ZNF709: variants seen among roughly 807,000 people sequenced by gnomAD.
The protein encoded by ZNF709 is zinc finger protein 709.
Under a neutral mutation model 10.6 loss-of-function variants are expected in ZNF709, and 15 were observed. The ratio of observed to expected loss-of-function variants is 1.41; its 90% CI spans 0.95 to 2.18. ZNF709 has a LOEUF of 2.18. Ranked by LOEUF, ZNF709 falls within the 30% of genes most tolerant of loss-of-function variation. The probability of loss-of-function intolerance (pLI) is 0.00; values close to 1 mark genes in which losing one functional copy is unlikely to be tolerated. For missense variants in ZNF709, 589 were observed against 774.0 expected (o/e 0.76, Z 2.84); for synonymous variants, 194 against 238.8 (o/e 0.81, Z 1.73).
In ZNF709 at chr19:12,463,117, C is replaced by G. The variant is rs756953115; in HGVS notation, c.*879G>C. 1 of 152,208 alleles carries G rather than the reference C, an allele frequency of 6.6e-6. No individual in the cohort carries two copies. Among genetic ancestry groups the G allele is most frequent in the African/African-American group, 2.4e-5 (1 of 41,450 alleles). The allele number at this position is 152,208 out of a possible 1,614,324, so 9.4% of individuals were successfully genotyped here. Reference sequence around the variant, plus strand: ...TTATCTACATTTATACAGTACCTCCCTAGTGGGAGTTTCAACATGAGATTG... The same window carrying G: ...TTATCTACATTTATACAGTACCTCCGTAGTGGGAGTTTCAACATGAGATTG... On this transcript the variant is annotated 3_prime_UTR_variant, in exon 4 of 4. Transcript: ENST00000397732.
At chr19:12,466,873 G>A in intron 1 of ZNF709, 23 bp from the exon 2 acceptor site, 1 of 1,606,182 alleles carries the variant, frequency 6.2e-7, no homozygotes, top group Non-Finnish European at 8.5e-7. Flanking sequence ...ACATGTATAG[G>A]GGAGGATGGG....
rs1970517053 is a variant in ZNF709 at position 12,461,670 on chromosome 19, T to C, written c.*2326A>G. On this transcript the variant is annotated 3_prime_UTR_variant, in exon 4 of 4. Coordinates refer to ENST00000397732, the MANE Select transcript of ZNF709 (RefSeq NM_152601.4). ...ATATTCCCAACCTTAAGAGTCTAAA[T>C]GGTTGCCTGGTGGACACATTAGAGT... 2.0e-5 allele frequency: 3 copies of C among 152,224 alleles called. No individual in the cohort carries two copies. The highest frequency in any genetic ancestry group is 7.2e-5 in the African/African-American group (3 of 41,454). 9.4% of individuals were successfully genotyped at this position (152,224 alleles called of 1,614,324 possible). A position where few individuals can be genotyped will look rare whatever the true frequency, so the allele number is the denominator to read the frequency against.
At chr19:12,474,238 C>T (rs1268247853) in intron 1 of ZNF709, among the ~76,000 whole-genome samples, 1 of 152,148 alleles carries the variant, frequency 6.6e-6, no homozygotes, top group Non-Finnish European at 1.5e-5. Context: ...CTACTCTATG[C>T]TTCTATGAGT....
Position 12,465,507 on chromosome 19 carries a change from A to C in ZNF709, c.415T>G (p.Ser139Ala), listed in dbSNP as rs376497348. ...SYEYHKYGEK[S>A]YECKECGKRF... Reference sequence around the variant, plus strand: ...TTCCCACATTCCTTACATTCATATGATTTCTCTCCATATTTGTGATATTCA... The same window carrying C: ...TTCCCACATTCCTTACATTCATATGCTTTCTCTCCATATTTGTGATATTCA... Residue 139 changes from serine (S) to alanine (A), a missense_variant, in exon 4 of 4, where the codon TCA becomes GCA. By Grantham distance (99) the Ser-to-Ala change is moderately conservative. Transcript: ENST00000397732. The C allele has an allele frequency of 6.2e-7, 1 of 1,609,894 alleles. No homozygotes were observed. The highest frequency in any genetic ancestry group is 8.5e-7 in the Non-Finnish European group (1 of 1,178,620).
chr19:12,466,920 T>C lies in ZNF709; in HGVS notation c.4-70A>G, dbSNP rs184485991. On this transcript the variant is annotated intron_variant, in intron 1 of 3. Transcript: ENST00000397732. ...GCACTGGGGATATAAACTCAGTTCA[T>C]TAAAAGTTCATATATAATTTTCTCC... 6.5e-5 allele frequency: 99 copies of C among 1,522,706 alleles called. No homozygotes were observed. The African/African-American group carries it at 1.3e-3, about 19-fold the overall frequency. 94.3% of individuals were successfully genotyped at this position (1,522,706 alleles called of 1,614,324 possible).
At chr19:12,466,688 C>G (rs768887721) in intron 2 of ZNF709, 36 bp downstream of exon 2, 13 of 1,613,636 alleles carry the variant, frequency 8.1e-6, no homozygotes, top group Non-Finnish European at 6.8e-6. Context: ...CACTTGTTCT[C>G]TAATTGACTA....
chr19:12,473,560 A>G (rs1343169692), intron 1 of ZNF709, among the ~76,000 whole-genome samples: 1 of 152,202 alleles, frequency 6.6e-6, no homozygotes, highest in Non-Finnish European at 1.5e-5. Flanking sequence ...TGAGGCAATG[A>G]TTGACATGAA....
At position 12,464,920 on chromosome 19, in the gene ZNF709, T is replaced by TCCA; in HGVS notation, c.1001_1002insTGG (p.Lys334delinsAsnGly). On this transcript the variant is annotated protein_altering_variant, in exon 4 of 4. Coordinates refer to ENST00000397732, the MANE Select transcript of ZNF709 (RefSeq NM_152601.4). ...TCCCACATTCCTTACAATCATAGGG[T>TCCA]TTCTCTCCTGTATGAATTCTTTCAT... 4 of 1,610,414 alleles carry TCCA rather than the reference T, an allele frequency of 2.5e-6. No homozygotes were observed. Among genetic ancestry groups the TCCA allele is most frequent in the Non-Finnish European group, 2.5e-6 (3 of 1,178,820 alleles).
In ZNF709 at chr19:12,461,272, A is replaced by G. The variant is rs1273600963; in HGVS notation, c.*2724T>C. ...ACAAGTTATTTGAAAAGTTAATAAA[A>G]TATTTCTAAGAAACATCTACAGAAG... On this transcript the variant is annotated 3_prime_UTR_variant, in exon 4 of 4. Coordinates refer to ENST00000397732, the MANE Select transcript of ZNF709 (RefSeq NM_152601.4). 1 of 152,266 alleles carries G rather than the reference A, an allele frequency of 6.6e-6. No homozygotes were observed. Among genetic ancestry groups the G allele is most frequent in the African/African-American group, 2.4e-5 (1 of 41,472 alleles). The allele number at this position is 152,266 out of a possible 1,614,324, so 9.4% of individuals were successfully genotyped here. A position where few individuals can be genotyped will look rare whatever the true frequency, so the allele number is the denominator to read the frequency against.
chr19:12,480,934 TACC>T (rs1970721831), intron 1 of ZNF709, among the ~76,000 whole-genome samples: 3 of 151,408 alleles, frequency 2.0e-5, no homozygotes, highest in Middle Eastern at 3.5e-3. Flanking sequence ...CAGCTAAAAT[TACC>T]ACACTTGGCT....
intron 1 of ZNF709, among the ~76,000 whole-genome samples, chr19:12,474,044 T>C (rs1159265924): frequency 6.6e-6 from 1 of 152,234 alleles, no homozygotes; most frequent in Non-Finnish European, 1.5e-5. Context: ...CGATCCCATC[T>C]TAAAAATGAA....
intron 1 of ZNF709, among the ~76,000 whole-genome samples, chr19:12,480,849 G>A (rs146368286): frequency 1.3e-5 from 2 of 152,054 alleles, no homozygotes; most frequent in African/African-American, 2.4e-5. Context: ...ACTCAATTTT[G>A]GCTCACTGCC....
In ZNF709 at chr19:12,469,718, G is replaced by A. The variant is rs531169511; in HGVS notation, c.4-2868C>T. ...TGGGAGGCAGAGCTTGCAGTGAGCC[G>A]AGATCGCACCACTGCACTCCAGCCT... On this transcript the variant is annotated intron_variant, in intron 1 of 3. Transcript: ENST00000397732. Among the ~76,000 whole-genome samples, 88 of 152,136 alleles carry A rather than the reference G, an allele frequency of 5.8e-4. No homozygotes were observed. In the Middle Eastern group the frequency reaches 0.01, roughly 18 times the overall value.
chr19:12,466,098 A>G (rs1970568594), intron 3 of ZNF709, among the ~76,000 whole-genome samples: 1 of 151,872 alleles, frequency 6.6e-6, no homozygotes. Flanking sequence ...CCACCACCAC[A>G]CCTGGCTAAT....
At position 12,465,729 on chromosome 19, in the gene ZNF709, G is replaced by T. The variant is rs1283322174; in HGVS notation, c.193C>A (p.His65Asn). The T allele has an allele frequency of 2.6e-6, 4 of 1,509,724 alleles. No individual in the cohort carries two copies. Among genetic ancestry groups the T allele is most frequent in the South Asian group, 1.4e-5 (1 of 71,620 alleles). The allele number at this position is 1,509,724 out of a possible 1,614,324, so 93.5% of individuals were successfully genotyped here. Residue 65 changes from histidine to asparagine, a missense_variant, in exon 4 of 4, where the codon CAT becomes AAT. Coordinates refer to ENST00000397732, the MANE Select transcript of ZNF709 (RefSeq NM_152601.4). ...HKNQGRKLRS[H>N]MVERLCERKE... ...CTTTCACAGAGCCTCTCTACCATAT[G>T]ACTTCTGTGAGAAAAAAACAAAACA...
chr19:12,465,986 G>C (rs1970567565), intron 3 of ZNF709, among the ~76,000 whole-genome samples: 1 of 150,448 alleles, frequency 6.6e-6, no homozygotes, highest in Non-Finnish European at 1.5e-5. Context: ...TGTTGCCCAG[G>C]CTGCAGTGCA....
rs1445330094 is a variant in ZNF709, at chr19:12,462,193, A to G, written c.*1803T>C. 4 of 152,096 alleles carry G rather than the reference A, an allele frequency of 2.6e-5. No homozygotes were observed. Among genetic ancestry groups the G allele is most frequent in the African/African-American group, 9.7e-5 (4 of 41,308 alleles). The allele number at this position is 152,096 out of a possible 1,614,324, so 9.4% of individuals were successfully genotyped here. ...AAGAATACTCTCAATTGGCAGAGCA[A>G]AGGATCAGGACAATGTGGTGGAAGC... On this transcript the variant is annotated 3_prime_UTR_variant, in exon 4 of 4. Transcript: ENST00000397732.
Position 12,466,756 on chromosome 19 carries a change from A to G in ZNF709, c.98T>C (p.Met33Thr), listed in dbSNP as rs201452321. The change falls in exon 2 of 4, where the codon ATG becomes ACG. Residue 33 changes from methionine (M) to threonine (T), a missense_variant. This residue lies in a region of ZNF709 where 418 missense variants were observed against 496.3 expected (regional missense o/e 0.84). Coordinates refer to ENST00000397732, the MANE Select transcript of ZNF709 (RefSeq NM_152601.4). Reference protein sequence around the residue: ...PSQKKLYRDVMQETFVNLASI... With the variant: ...PSQKKLYRDVTQETFVNLASI... ...GGCCAAGTTAACAAAGGTTTCTTGC[A>G]TCACATCTCTGTAGAGTTTCTTCTG... The G allele has an allele frequency of 6.2e-7, 1 of 1,614,042 alleles. No homozygotes were observed. The highest frequency in any genetic ancestry group is 1.1e-5 in the South Asian group (1 of 91,084).
chr19:12,472,105 T>C (rs1322283049), intron 1 of ZNF709, among the ~76,000 whole-genome samples: 1 of 151,984 alleles, frequency 6.6e-6, no homozygotes, highest in Non-Finnish European at 1.5e-5. Flanking sequence ...AGGAGGATCA[T>C]ATGAACCCAG....
Sources: gnomAD v4.1 joint callset for allele counts (sites outside exome capture counted in the v4.1 genomes callset) on GRCh38, gnomAD v4.1.1 for gene constraint, gnomAD v4.1.1 regional missense constraint, MANE v1.5 for transcripts, NCBI Gene and HGNC (gene_info 2026-07-23, HGNC 2026-07-21) for gene names.